CDH12: variants seen among roughly 807,000 people sequenced by gnomAD.
CDH12 encodes cadherin-12.
CDH12 carries 41 observed loss-of-function variants against 74.1 expected under a neutral mutation model. The ratio of observed to expected loss-of-function variants is 0.55; its 90% CI spans 0.43 to 0.72. The LOEUF (loss-of-function observed/expected upper bound fraction) is 0.72. Ranked by LOEUF, CDH12 falls within the 30% of genes least tolerant of loss-of-function variation. CDH12 has a pLI of 0.00. For synonymous variants in CDH12, 399 were observed against 355.0 expected, an observed-to-expected ratio of 1.12 and a Z score of -1.39; for missense variants, 945 against 977.2, an observed-to-expected ratio of 0.97 and a Z score of 0.44.
At chr5:22,810,153 A>C (rs1749062376) in intron 1 of CDH12, among the ~76,000 whole-genome samples, 1 of 152,218 alleles carries the variant, frequency 6.6e-6, no homozygotes, top group African/African-American at 2.4e-5. Context: ...TAGAAAAAAT[A>C]ATGTTGAAGT....
intron 1 of CDH12, among the ~76,000 whole-genome samples, chr5:22,561,282 C>A (rs1739034659): frequency 6.6e-6 from 1 of 151,988 alleles, no homozygotes; most frequent in African/African-American, 2.4e-5. Context: ...TAGACAAAGG[C>A]CACTCAATTA....
chr5:22,796,724 T>G (rs1267289974), intron 1 of CDH12, among the ~76,000 whole-genome samples: 2 of 106,764 alleles, frequency 1.9e-5, no homozygotes, highest in Non-Finnish European at 3.6e-5. Context: ...GTTTCACCGT[T>G]TTAGCCGGGA....
At chr5:22,450,408 T>C (rs1744997103) in intron 2 of CDH12, among the ~76,000 whole-genome samples, 1 of 151,918 alleles carries the variant, frequency 6.6e-6, no homozygotes, top group South Asian at 2.1e-4. Flanking sequence ...GTCTTCTCAA[T>C]CTTGAAAAAG....
intron 11 of CDH12, among the ~76,000 whole-genome samples, chr5:21,771,272 A>G (rs540291332): frequency 9.9e-4 from 151 of 152,242 alleles, no homozygotes; most frequent in African/African-American, 3.3e-3. Flanking sequence ...CTAGAATGGA[A>G]TCTTAGCCTT....
intron 1 of CDH12, among the ~76,000 whole-genome samples, chr5:22,669,389 A>G (rs1740789293): frequency 6.6e-6 from 1 of 152,216 alleles, no homozygotes; most frequent in Non-Finnish European, 1.5e-5. Flanking sequence ...CTTCTGGGAA[A>G]AGAGAAAGAA....
intron 1 of CDH12, among the ~76,000 whole-genome samples, chr5:22,793,877 G>A (rs1447334134): frequency 6.6e-6 from 1 of 151,546 alleles, no homozygotes; most frequent in African/African-American, 2.4e-5. Context: ...AATTTGTTAT[G>A]CTTCTTAACT....
chr5:21,916,159 C>T (rs1489859309), intron 6 of CDH12, among the ~76,000 whole-genome samples: 1 of 152,062 alleles, frequency 6.6e-6, no homozygotes, highest in East Asian at 1.9e-4. Flanking sequence ...TACAACAACA[C>T]ACCAATAATA....
intron 1 of CDH12, among the ~76,000 whole-genome samples, chr5:22,768,307 A>G (rs1213094377): frequency 1.3e-5 from 2 of 152,092 alleles, no homozygotes; most frequent in South Asian, 2.1e-4. Flanking sequence ...ATGTGTTATA[A>G]TGTATTCCAA....
At chr5:22,624,953 A>G (rs936690078) in intron 1 of CDH12, among the ~76,000 whole-genome samples, 7 of 152,224 alleles carry the variant, frequency 4.6e-5, no homozygotes, top group Admixed American at 3.9e-4. Flanking sequence ...AATGTGGCAC[A>G]TATACACCAT....
chr5:22,644,474 A>G (rs1739329475), intron 1 of CDH12, among the ~76,000 whole-genome samples: 1 of 152,034 alleles, frequency 6.6e-6, no homozygotes. Context: ...CTTCAATTCT[A>G]TGAAGGTTGA....
chr5:21,804,640 T>TAAA (rs367797978), intron 9 of CDH12, among the ~76,000 whole-genome samples: 5 of 89,224 alleles, frequency 5.6e-5, no homozygotes, highest in Non-Finnish European at 6.6e-5. Context: ...TATAGTGAAT[T>TAAA]AAAACACACA....
chr5:22,474,197 G>A lies in CDH12; in HGVS notation c.-428+31073C>T, dbSNP rs142213164. On this transcript the variant is annotated intron_variant, in intron 2 of 14. Transcript: ENST00000382254. ...AGGATGTAATAATGCTGATGACTTC[G>A]TCAGAGAGTGAAGTGGCTGCAGGTT... is the stretch of plus-strand genomic sequence containing the variant. Among the ~76,000 whole-genome samples, 8 of 152,206 alleles carry A rather than the reference G, an allele frequency of 5.3e-5. No homozygotes were observed. The East Asian group carries it at 9.7e-4, about 18-fold the overall frequency.
intron 1 of CDH12, among the ~76,000 whole-genome samples, chr5:22,673,767 A>T (rs1412447686): frequency 6.6e-6 from 1 of 152,176 alleles, no homozygotes; most frequent in Non-Finnish European, 1.5e-5. Flanking sequence ...ACTCATAAAG[A>T]TAATTTTAAA....
chr5:22,839,016 TTAAGA>T lies in CDH12; in HGVS notation c.-523+14037_-523+14041del, dbSNP rs1248921981. ...TTAGCCTTTTAGGCAAATTTGTCACTTAAGATAAAAGTTTTTGTTGTTGGTAGTGT... is the reference window on the plus strand; with the variant it reads ...TTAGCCTTTTAGGCAAATTTGTCACTTAAAAGTTTTTGTTGTTGGTAGTGT... On this transcript the variant is annotated intron_variant, in intron 1 of 14. Coordinates refer to ENST00000382254, the MANE Select transcript of CDH12 (RefSeq NM_004061.5). 5.9e-5 allele frequency among the ~76,000 whole-genome samples: 9 copies of T among 152,304 alleles called. No homozygotes were observed. In the East Asian group the frequency reaches 1.4e-3, roughly 23 times the overall value.
intron 1 of CDH12, among the ~76,000 whole-genome samples, chr5:22,674,472 G>A (rs568281276): frequency 3.0e-4 from 45 of 152,264 alleles, no homozygotes; most frequent in Middle Eastern, 3.4e-3. Flanking sequence ...CCAGTCTCAC[G>A]TATGTCTTTA....
intron 2 of CDH12, among the ~76,000 whole-genome samples, chr5:22,494,114 C>A (rs1561446709): frequency 6.6e-6 from 1 of 152,112 alleles, no homozygotes; most frequent in African/African-American, 2.4e-5. Context: ...TACAGTAAGT[C>A]CTCAGAAAAT....
At chr5:21,824,410 C>A (rs1477263142) in intron 8 of CDH12, among the ~76,000 whole-genome samples, 1 of 152,052 alleles carries the variant, frequency 6.6e-6, no homozygotes, top group Non-Finnish European at 1.5e-5. Flanking sequence ...TGGACTATGA[C>A]CTCAGCCTCC....
At chr5:21,921,216 T>C (rs562243995) in intron 6 of CDH12, among the ~76,000 whole-genome samples, 1 of 152,346 alleles carries the variant, frequency 6.6e-6, no homozygotes, top group South Asian at 2.1e-4. Flanking sequence ...CACAGAATTA[T>C]ATGGCTATGA....
At chr5:22,584,282 C>A (rs192277656) in intron 1 of CDH12, among the ~76,000 whole-genome samples, 1 of 151,818 alleles carries the variant, frequency 6.6e-6, no homozygotes, top group African/African-American at 2.4e-5. Flanking sequence ...GTACTTTTAG[C>A]AGAGACGGGG....
Sources: gnomAD v4.1 joint callset for allele counts (sites outside exome capture counted in the v4.1 genomes callset) on GRCh38, gnomAD v4.1.1 for gene constraint, MANE v1.5 for transcripts, NCBI Gene and HGNC (gene_info 2026-07-23, HGNC 2026-07-21) for gene names.